Variants in CNGB1 observed in about 807,000 individuals in gnomAD.
The protein encoded by CNGB1 is cyclic nucleotide-gated channel beta-1.
Under a neutral mutation model 151.7 loss-of-function variants are expected in CNGB1, and 126 were observed. The observed-to-expected ratio is 0.83, with a 90% CI of 0.72 to 0.96. The LOEUF (loss-of-function observed/expected upper bound fraction) is 0.96. Among genes scored for constraint, CNGB1 ranks in the 40% least tolerant of loss-of-function variants. The probability of loss-of-function intolerance (pLI) is 0.00; values close to 1 mark genes in which losing one functional copy is unlikely to be tolerated. For synonymous variants in CNGB1, 623 were observed against 635.1 expected, an observed-to-expected ratio of 0.98 and a Z score of 0.29; for missense variants, 1,698 against 1,627.0, an observed-to-expected ratio of 1.04 and a Z score of -0.75.
At position 57,884,192 on chromosome 16, in the gene CNGB1, G is replaced by T; in HGVS notation, c.3728C>A (p.Pro1243Gln). The T allele has an allele frequency of 6.2e-7, 1 of 1,614,010 alleles. No homozygotes were observed. The highest frequency in any genetic ancestry group is 8.5e-7 in the Non-Finnish European group (1 of 1,179,916). Reference sequence around the variant, plus strand: ...CTCCGCCTTCTCCTCCCTTTCCTCCGGCATCTTCACCGACAGGATCTGCTC... The same window carrying T: ...CTCCGCCTTCTCCTCCCTTTCCTCCTGCATCTTCACCGACAGGATCTGCTC... Reference protein sequence around the residue: ...PGEQILSVKMPEEREEKAE With the variant: ...PGEQILSVKMQEEREEKAE The change falls in exon 33 of 33, where the codon CCG becomes CAG. Residue 1243 changes from proline (P) to glutamine (Q), a missense_variant. Pro to Gln is a moderately conservative substitution (Grantham distance 76). Coordinates refer to ENST00000251102, the MANE Select transcript of CNGB1 (RefSeq NM_001297.5).
intron 14 of CNGB1, among the ~76,000 whole-genome samples, chr16:57,947,863 C>T (rs1961847072): frequency 6.6e-6 from 1 of 152,196 alleles, no homozygotes; most frequent in Non-Finnish European, 1.5e-5. Flanking sequence ...CTGCAGGAGC[C>T]TTTTATTATC....
chr16:57,884,841 C>T (rs926324941), intron 32 of CNGB1, among the ~76,000 whole-genome samples: 3 of 152,128 alleles, frequency 2.0e-5, no homozygotes, highest in African/African-American at 7.2e-5. Flanking sequence ...AACCAACCAT[C>T]TGTTACCAGG....
In CNGB1 at chr16:57,901,392, C is replaced by T. The variant is rs576948875; in HGVS notation, c.2936G>A (p.Arg979His). ...GTCGTTGGGCAGGTAGACAACAGAG[C>T]GAAGCCTCTTCAGCATGTCAAAGAT... ...QMIFDMLKRL[R>H]SVVYLPNDYV... The change falls in exon 29 of 33, where the codon CGC becomes CAC. Residue 979 changes from arginine (R) to histidine (H), a missense_variant. Arg to His is a conservative substitution (Grantham distance 29, BLOSUM62 0). Transcript: ENST00000251102. 2.0e-5 allele frequency: 33 copies of T among 1,614,128 alleles called. No homozygotes were observed. The highest frequency in any genetic ancestry group is 1.3e-4 in the Admixed American group (8 of 60,010).
At chr16:57,917,628 A>AT in intron 20 of CNGB1, 152 bp from the exon 21 acceptor site, 1 of 147,586 alleles carries the variant, frequency 6.8e-6, no homozygotes. Context: ...GTGTATATAT[A>AT]CACACACACA....
chr16:57,904,881 G>A lies in CNGB1; in HGVS notation c.2493-6C>T. The stretch of plus-strand genomic sequence containing the variant: ...AGTAGTAACAGCGAATATAACTGGA[G>A]AGAGAGGAGAAAGGGAACATGGGTC... On this transcript the variant is annotated splice_region_variant and splice_polypyrimidine_tract_variant and intron_variant, in intron 25 of 32. Coordinates refer to ENST00000251102, the MANE Select transcript of CNGB1 (RefSeq NM_001297.5). 1 of 1,614,202 alleles carries A rather than the reference G, an allele frequency of 6.2e-7. No homozygotes were observed. Among genetic ancestry groups the A allele is most frequent in the Non-Finnish European group, 8.5e-7 (1 of 1,180,044 alleles).
At chr16:57,907,008 A>G (rs1188779336) in intron 25 of CNGB1, among the ~76,000 whole-genome samples, 7 of 152,198 alleles carry the variant, frequency 4.6e-5, no homozygotes, top group Admixed American at 2.6e-4. Flanking sequence ...AAAAGTTGTT[A>G]TTCTTCATGC....
chr16:57,950,618 C>A (rs998773423), intron 12 of CNGB1, 78 bp from the exon 13 acceptor site: 74 of 1,512,708 alleles, frequency 4.9e-5, no homozygotes, highest in Non-Finnish European at 8.2e-6. Context: ...AGGGAGCCTG[C>A]AGGGAGCCCT....
intron 14 of CNGB1, among the ~76,000 whole-genome samples, chr16:57,941,742 C>G (rs1166138473): frequency 3.3e-5 from 5 of 152,220 alleles, no homozygotes; most frequent in African/African-American, 4.8e-5. Flanking sequence ...CAGCTGACAT[C>G]ATACCTAATG....
rs1440487193 is a variant in CNGB1, at chr16:57,887,791, C to T, written c.3462+64G>A. The T allele has an allele frequency of 4.0e-6, 6 of 1,485,542 alleles. No individual in the cohort carries two copies. The South Asian group carries it at 5.7e-5, about 14-fold the overall frequency. The allele number at this position is 1,485,542 out of a possible 1,614,324, so 92.0% of individuals were successfully genotyped here. On this transcript the variant is annotated intron_variant, in intron 32 of 32. Coordinates refer to ENST00000251102, the MANE Select transcript of CNGB1 (RefSeq NM_001297.5). ...AAATGTGTGGCCCACTCTTGGAGAC[C>T]CCTTGGCCTTCTCCCTGACACATAT... is the stretch of plus-strand genomic sequence containing the variant.
chr16:57,929,877 A>G (rs1961299024), intron 17 of CNGB1, among the ~76,000 whole-genome samples: 1 of 152,254 alleles, frequency 6.6e-6, no homozygotes, highest in Non-Finnish European at 1.5e-5. Flanking sequence ...AATGCAAATC[A>G]AAACCACAAT....
intron 14 of CNGB1, among the ~76,000 whole-genome samples, chr16:57,946,103 A>G (rs560892438): frequency 6.6e-6 from 1 of 152,274 alleles, no homozygotes; most frequent in Admixed American, 6.5e-5. Context: ...CAACTTCCAG[A>G]AAGTTCCCAA....
In CNGB1 at chr16:57,896,497, G is replaced by A. The variant is rs549766419; in HGVS notation, c.3242+900C>T. On this transcript the variant is annotated intron_variant, in intron 31 of 32. Transcript: ENST00000251102. ...TGGGAGGCCGAGGGGGGTGGATCAC[G>A]ATGTCAGGAGTTTGAGACCAGCCTG... Among the ~76,000 whole-genome samples, 328 of 152,072 alleles carry A rather than the reference G, an allele frequency of 2.2e-3. 1 individual carries two copies. Among genetic ancestry groups the A allele is most frequent in the African/African-American group, 7.6e-3 (314 of 41,470 alleles).
chr16:57,936,164 C>T (rs1290486141), intron 16 of CNGB1, among the ~76,000 whole-genome samples: 1 of 152,194 alleles, frequency 6.6e-6, no homozygotes, highest in African/African-American at 2.4e-5. Flanking sequence ...CCAAAGGCCA[C>T]TACGGGGACC....
intron 17 of CNGB1, among the ~76,000 whole-genome samples, chr16:57,930,369 C>T (rs1460077730): frequency 1.3e-5 from 2 of 151,970 alleles, no homozygotes; most frequent in South Asian, 2.1e-4. Flanking sequence ...GTGGCATGTG[C>T]CTGTAGTCAC....
chr16:57,956,243 G>A (rs1033073592), intron 12 of CNGB1, among the ~76,000 whole-genome samples: 1 of 152,188 alleles, frequency 6.6e-6, no homozygotes, highest in African/African-American at 2.4e-5. Context: ...CTGGGCAGGT[G>A]CTTTTGGTTC....
At chr16:57,898,144 A>C (rs771779578) in intron 29 of CNGB1, among the ~76,000 whole-genome samples, 1 of 152,110 alleles carries the variant, frequency 6.6e-6, no homozygotes, top group Non-Finnish European at 1.5e-5. Context: ...TCCATAACTG[A>C]CAGGGTTGCA....
chr16:57,911,177 G>C (rs690746), intron 25 of CNGB1, among the ~76,000 whole-genome samples: 70,128 of 152,048 alleles, frequency 0.46, 17,672 homozygotes, highest in African/African-American at 0.67. Context: ...CCCTAATAGA[G>C]TTTGGATGCA....
intron 12 of CNGB1, chr16:57,954,960 G>C: frequency 9.2e-7 from 1 of 1,091,508 alleles, no homozygotes; most frequent in Non-Finnish European, 1.1e-6. Context: ...TGTTGCCCAC[G>C]GTGGTCTCGA....
intron 16 of CNGB1, among the ~76,000 whole-genome samples, chr16:57,933,128 A>G (rs1180068925): frequency 1.3e-5 from 2 of 150,916 alleles, no homozygotes; most frequent in South Asian, 2.1e-4. Context: ...AGGTCTCACC[A>G]TGTTGCCCAG....
Sources: gnomAD v4.1 joint callset for allele counts (sites outside exome capture counted in the v4.1 genomes callset) on GRCh38, gnomAD v4.1.1 for gene constraint, MANE v1.5 for transcripts, NCBI Gene and HGNC (gene_info 2026-07-23, HGNC 2026-07-21) for gene names.